Variants in GHRL observed in about 807,000 individuals in gnomAD.
GHRL encodes the protein appetite-regulating hormone.
Under a neutral mutation model 16.9 loss-of-function variants are expected in GHRL, and 24 were observed. The ratio of observed to expected loss-of-function variants is 1.42; its 90% CI spans 1.03 to 2.00. The LOEUF (loss-of-function observed/expected upper bound fraction) is 2.00. Among genes scored for constraint, GHRL ranks in the 30% most tolerant of loss-of-function variants. GHRL has a pLI of 0.00. For synonymous variants in GHRL, 63 were observed against 58.2 expected (o/e 1.08, Z -0.37); for missense variants, 193 against 142.1 (o/e 1.36, Z -1.82).
Position 10,290,207 on chromosome 3 carries a change from G to A in GHRL, c.-27C>T, listed in dbSNP as rs1312166557. 14 of 1,596,774 alleles carry A rather than the reference G, an allele frequency of 8.8e-6. No individual in the cohort carries two copies. The highest frequency in any genetic ancestry group is 1.3e-5 in the African/African-American group (1 of 74,802). On this transcript the variant is annotated splice_region_variant and 5_prime_UTR_variant, in exon 3 of 6. Transcript: ENST00000335542. ...GCCTCAGCTGGGTTGCAGACAGGTG[G>A]GCCTGGGGGAGAGAGGGTCTCCAGG... is the stretch of plus-strand genomic sequence containing the variant.
Position 10,285,684 on chromosome 3 carries a change from T to G in GHRL, c.*191A>C. On this transcript the variant is annotated 3_prime_UTR_variant, in exon 6 of 6. Coordinates refer to ENST00000335542, the MANE Select transcript of GHRL (RefSeq NM_016362.5). ...AGAATTATTTTTATTTGTATTATTTTGATTTTTTTAAAGTAAAATATTAAC... is the reference window on the plus strand; with the variant it reads ...AGAATTATTTTTATTTGTATTATTTGGATTTTTTTAAAGTAAAATATTAAC... 1.8e-6 allele frequency: 1 copy of G among 548,070 alleles called. No individual in the cohort carries two copies. The highest frequency in any genetic ancestry group is 3.3e-6 in the Non-Finnish European group (1 of 300,800). 34.0% of individuals were successfully genotyped at this position (548,070 alleles called of 1,614,324 possible). A position where few individuals can be genotyped will look rare whatever the true frequency, so the allele number is the denominator to read the frequency against.
chr3:10,286,037 G>T, intron 5 of GHRL, 143 bp from the exon 6 acceptor site: 1 of 733,506 alleles, frequency 1.4e-6, no homozygotes, highest in Non-Finnish European at 2.4e-6. Context: ...CGGCACTCAA[G>T]TGTGGACTGT....
intron 5 of GHRL, among the ~76,000 whole-genome samples, 167 bp from the exon 6 acceptor site, chr3:10,286,061 A>C (rs910498177): frequency 3.9e-5 from 6 of 152,228 alleles, no homozygotes; most frequent in African/African-American, 9.6e-5. Context: ...GCCCTGGGCA[A>C]GTCACCTCAA....
Position 10,290,084 on chromosome 3 carries a change from G to A in GHRL, c.97C>T (p.Gln33Ter), listed in dbSNP as rs1012526184. The change falls in exon 3 of 6, where the codon CAG becomes TAG. Residue 33 changes from glutamine (Q) to a stop codon, truncating the protein, a stop_gained. Transcript: ENST00000335542. LOFTEE classifies it high-confidence loss of function. ...TGGGGAGGTCTCACCTGGACTCTCTGGTGTTCAGGGCTCAGGAAGCTGGAG... is the reference window on the plus strand; with the variant it reads ...TGGGGAGGTCTCACCTGGACTCTCTAGTGTTCAGGGCTCAGGAAGCTGGAG... ...AGSSFLSPEH[Q>*]RVQQRKESKK... The A allele has an allele frequency of 1.2e-6, 2 of 1,612,264 alleles. No homozygotes were observed. Among genetic ancestry groups the A allele is most frequent in the Non-Finnish European group, 1.7e-6 (2 of 1,179,482 alleles).
In GHRL at chr3:10,286,802, G is replaced by A; in HGVS notation, c.236C>T (p.Pro79Leu). 5.6e-6 allele frequency: 9 copies of A among 1,608,638 alleles called. No individual in the cohort carries two copies. The highest frequency in any genetic ancestry group is 7.7e-6 in the Non-Finnish European group (9 of 1,175,060). The change falls in exon 5 of 6, where the codon CCC (proline) becomes CTC (leucine). Residue 79 changes from proline to leucine, a missense_variant. Physicochemically the swap from Pro to Leu is moderately conservative, Grantham distance 98 (BLOSUM62 -3). Coordinates refer to ENST00000335542, the MANE Select transcript of GHRL (RefSeq NM_016362.5). Reference protein sequence around the residue: ...EDELEVRFNAPFDVGIKLSGV... With the variant: ...EDELEVRFNALFDVGIKLSGV... ...TGACAGCTTGATTCCAACATCAAAGGGGGCGTTGAACTAGGAGGCAGGGCA... is the reference window on the plus strand; with the variant it reads ...TGACAGCTTGATTCCAACATCAAAGAGGGCGTTGAACTAGGAGGCAGGGCA...
At chr3:10,292,490 A>T in intron 1 of GHRL, 1 of 253,676 alleles carries the variant, frequency 3.9e-6, no homozygotes, top group Non-Finnish European at 7.5e-6. Flanking sequence ...GCAGAAGCAC[A>T]GGCCGGGTTG....
At position 10,285,731 on chromosome 3, in the gene GHRL, C is replaced by G; in HGVS notation, c.*144G>C. 1 of 600,972 alleles carries G rather than the reference C, an allele frequency of 1.7e-6. No homozygotes were observed. The highest frequency in any genetic ancestry group is 3.1e-6 in the Non-Finnish European group (1 of 327,656). The allele number at this position is 600,972 out of a possible 1,614,324, so 37.2% of individuals were successfully genotyped here. On this transcript the variant is annotated 3_prime_UTR_variant, in exon 6 of 6. Transcript: ENST00000335542. The stretch of plus-strand genomic sequence containing the variant: ...TAACTTTTCCTCTTTGAAATAAATT[C>G]CCATTTGGAACATCAGCATACAGTT...
chr3:10,289,504 T>C (rs1699614129), intron 4 of GHRL, among the ~76,000 whole-genome samples: 1 of 152,258 alleles, frequency 6.6e-6, no homozygotes, highest in Admixed American at 6.5e-5. Context: ...CTGGAGGCTC[T>C]GGCACCCTCT....
chr3:10,291,031 G>C lies in GHRL; in HGVS notation c.-345C>G. On this transcript the variant is annotated 5_prime_UTR_variant, in exon 2 of 6. Coordinates refer to ENST00000335542, the MANE Select transcript of GHRL (RefSeq NM_016362.5). ...GGGAGGAGAGTGGCTCTGGGGTCTG[G>C]GTGCAGCTTTGTTGCTGTGTGACCT... 1 of 985,586 alleles carries C rather than the reference G, an allele frequency of 1.0e-6. No homozygotes were observed. Among genetic ancestry groups the C allele is most frequent in the Non-Finnish European group, 1.2e-6 (1 of 830,000 alleles). 61.1% of individuals were successfully genotyped at this position (985,586 alleles called of 1,614,324 possible). A position where few individuals can be genotyped will look rare whatever the true frequency, so the allele number is the denominator to read the frequency against.
At chr3:10,286,046 G>A (rs898776092) in intron 5 of GHRL, 152 bp from the exon 6 acceptor site, 33 of 692,822 alleles carry the variant, frequency 4.8e-5, no homozygotes, top group South Asian at 8.9e-5. Context: ...AGTGTGGACT[G>A]TTGTGCCCTG....
intron 2 of GHRL, 76 bp downstream of exon 2, chr3:10,290,640 G>T: frequency 1.4e-6 from 1 of 698,062 alleles, no homozygotes; most frequent in Non-Finnish European, 1.8e-6. Flanking sequence ...GAGGCCCAGA[G>T]AGGTTAAACG....
Position 10,290,905 on chromosome 3 carries a change from C to T in GHRL, c.-219G>A, listed in dbSNP as rs540908080. On this transcript the variant is annotated 5_prime_UTR_variant, in exon 2 of 6. Coordinates refer to ENST00000335542, the MANE Select transcript of GHRL (RefSeq NM_016362.5). ...TCAACAGTGGAGGTCAGATGCCCTG[C>T]GGAATTGCTGGGTTGGCGAGGGAAG... 512 of 985,414 alleles carry T rather than the reference C, an allele frequency of 5.2e-4. 3 individuals are homozygous for T. The African/African-American group carries it at 7.9e-3, about 15-fold the overall frequency. 61.0% of individuals were successfully genotyped at this position (985,414 alleles called of 1,614,324 possible).
rs1699935911 is a variant in GHRL at position 10,291,085 on chromosome 3, A to G, written c.-399T>C. On this transcript the variant is annotated 5_prime_UTR_variant, in exon 2 of 6. Coordinates refer to ENST00000335542, the MANE Select transcript of GHRL (RefSeq NM_016362.5). ...CTTACTCGCCCTTTCTCCCTGGGTA[A>G]AATGAGGCTGTCATCACTAGGAGAG... The G allele has an allele frequency of 1.2e-5, 12 of 985,568 alleles. No individual in the cohort carries two copies. Among genetic ancestry groups the G allele is most frequent in the Non-Finnish European group, 1.4e-5 (12 of 830,106 alleles). 61.1% of individuals were successfully genotyped at this position (985,568 alleles called of 1,614,324 possible).
rs113217363 is a variant in GHRL, at chr3:10,286,538, A to T, written c.334+166T>A. Among the ~76,000 whole-genome samples, 144 of 152,362 alleles carry T rather than the reference A, an allele frequency of 9.5e-4. 2 individuals are homozygous for T. The highest frequency in any genetic ancestry group is 3.2e-3 in the African/African-American group (134 of 41,596). ...AAAGACTATGATGAACTCCCTTCTG[A>T]GCCACTCACAAATACTAGCCAACCA... On this transcript the variant is annotated intron_variant, in intron 5 of 5. Coordinates refer to ENST00000335542, the MANE Select transcript of GHRL (RefSeq NM_016362.5).
In GHRL at chr3:10,292,873, G is replaced by C. The variant is rs1190902687; in HGVS notation, c.-797C>G. The C allele has an allele frequency of 3.9e-6, 6 of 1,548,826 alleles. No homozygotes were observed. Among genetic ancestry groups the C allele is most frequent in the Non-Finnish European group, 5.2e-6 (6 of 1,145,158 alleles). Reference sequence around the variant, plus strand: ...CCTGGAGGCCTCTCCGGGCACAGCTGCCAATGTTGATCTTAGATAAGACCA... The same window carrying C: ...CCTGGAGGCCTCTCCGGGCACAGCTCCCAATGTTGATCTTAGATAAGACCA... On this transcript the variant is annotated 5_prime_UTR_variant, in exon 1 of 6. Coordinates refer to ENST00000335542, the MANE Select transcript of GHRL (RefSeq NM_016362.5).
intron 4 of GHRL, among the ~76,000 whole-genome samples, chr3:10,289,330 C>T (rs770464759): frequency 8.5e-5 from 13 of 152,214 alleles, no homozygotes; most frequent in Non-Finnish European, 1.9e-4. Flanking sequence ...CCAGCCCTCC[C>T]ATCCAGGGTG....
In GHRL at chr3:10,290,845, G is replaced by A. The variant is rs1360291828; in HGVS notation, c.-159C>T. 2.0e-6 allele frequency: 2 copies of A among 985,930 alleles called. No individual in the cohort carries two copies. The highest frequency in any genetic ancestry group is 2.4e-6 in the Non-Finnish European group (2 of 830,374). The allele number at this position is 985,930 out of a possible 1,614,324, so 61.1% of individuals were successfully genotyped here. Reference sequence around the variant, plus strand: ...TCCGTGGGGCTGATGTACATTCCTTGGGAACTAAAAATGTTCTTGTCCTCT... The same window carrying A: ...TCCGTGGGGCTGATGTACATTCCTTAGGAACTAAAAATGTTCTTGTCCTCT... On this transcript the variant is annotated 5_prime_UTR_variant, in exon 2 of 6. The change creates a premature stop within an existing upstream ORF in the 5' untranslated region. Transcript: ENST00000335542.
At position 10,291,264 on chromosome 3, in the gene GHRL, G is replaced by T. The variant is rs1699972551; in HGVS notation, c.-578C>A. 3 of 985,450 alleles carry T rather than the reference G, an allele frequency of 3.0e-6. No homozygotes were observed. The highest frequency in any genetic ancestry group is 9.4e-5 in the South Asian group (2 of 21,292). The allele number at this position is 985,450 out of a possible 1,614,324, so 61.0% of individuals were successfully genotyped here. ...CCTCCCGGTTGAGCAGACTGCTCCT[G>T]ATCATCCTCTCCAGAGAGTGGGTGT... On this transcript the variant is annotated 5_prime_UTR_variant, in exon 2 of 6. Coordinates refer to ENST00000335542, the MANE Select transcript of GHRL (RefSeq NM_016362.5).
At chr3:10,286,967 G>A in intron 4 of GHRL, 155 bp from the exon 5 acceptor site, 1 of 574,796 alleles carries the variant, frequency 1.7e-6, no homozygotes. Flanking sequence ...CCTCAGCCAG[G>A]TTCTCTTCCT....
Sources: allele counts gnomAD v4.1 joint callset (sites outside exome capture counted in the v4.1 genomes callset), GRCh38; gene constraint gnomAD v4.1.1; transcripts MANE v1.5; gene names NCBI Gene and HGNC (gene_info 2026-07-23, HGNC 2026-07-21).